PUDP: variants seen among roughly 807,000 people sequenced by gnomAD.
PUDP encodes pseudouridine 5'-phosphatase.
A neutral mutation model predicts 9.4 loss-of-function variants in PUDP; 8 were observed. The observed-to-expected ratio is 0.85, with a 90% CI of 0.50 to 1.53. The LOEUF (loss-of-function observed/expected upper bound fraction) is 1.53. Ranked by LOEUF, PUDP falls within the 40% of genes most tolerant of loss-of-function variation. PUDP has a pLI of 0.00. For synonymous variants in PUDP, 99 were observed against 80.7 expected, an observed-to-expected ratio of 1.23 and a Z score of -1.22; for missense variants, 188 against 189.7, an observed-to-expected ratio of 0.99 and a Z score of 0.05.
At chrX:6,981,318 T>C (rs1477811034) in intron 1 of PUDP, among the ~76,000 whole-genome samples, 2 of 111,763 alleles carry the variant, frequency 1.8e-5, no homozygotes, top group African/African-American at 6.5e-5. Flanking sequence ...CATGTTTCTG[T>C]TTTTTGATTT....
intron 1 of PUDP, among the ~76,000 whole-genome samples, chrX:6,714,860 G>T (rs1924579502): frequency 9.0e-6 from 1 of 110,889 alleles, no homozygotes; most frequent in African/African-American, 3.3e-5. Context: ...ACACATCATT[G>T]TCACCACTCA....
intron 2 of PUDP, 102 bp from the exon 3 acceptor site, chrX:7,077,551 G>A: frequency 1.6e-6 from 1 of 614,426 alleles, no homozygotes; most frequent in Non-Finnish European, 2.6e-6. Flanking sequence ...ACACTCTCAG[G>A]CTGCTCCTTT....
chrX:6,759,672 T>C (rs1043446889), intron 3 of PUDP, among the ~76,000 whole-genome samples: 5 of 111,683 alleles, frequency 4.5e-5, no homozygotes, highest in African/African-American at 1.3e-4. Context: ...GGCACTTTAG[T>C]GTGTAGGTAA....
intron 3 of PUDP, among the ~76,000 whole-genome samples, chrX:6,975,517 A>G (rs1928940179): frequency 9.0e-6 from 1 of 110,555 alleles, no homozygotes; most frequent in Non-Finnish European, 1.9e-5. Context: ...TCCAGACCCT[A>G]TTTGCCTGGG....
intron 1 of PUDP, among the ~76,000 whole-genome samples, chrX:6,986,203 A>G (rs756648445): frequency 6.9e-4 from 77 of 112,299 alleles, no homozygotes; most frequent in Non-Finnish European, 1.2e-3. Context: ...CCTGTCGATG[A>G]TCAGAGTAGC....
intron 1 of PUDP, among the ~76,000 whole-genome samples, chrX:6,721,220 C>T (rs953565982): frequency 8.9e-6 from 1 of 111,904 alleles, no homozygotes; most frequent in Non-Finnish European, 1.9e-5. Context: ...ACAAGTTAGG[C>T]TTGCAAAGTT....
intron 3 of PUDP, among the ~76,000 whole-genome samples, chrX:6,828,432 G>A (rs1455906361): frequency 9.0e-6 from 1 of 110,756 alleles, no homozygotes; most frequent in Non-Finnish European, 1.9e-5. Context: ...AAATTCAGAT[G>A]AAAGTACAGA....
rs375154462 is a variant in PUDP at position 6,818,425 on chromosome X, TTAAAG to T, written c.*248-111964_*248-111960del. ...CACCTGTCAGCCATAGCTTCCCAACTTAAAGTAAATGAATTTGTAAAGATGCATAT... is the reference window on the plus strand; with the variant it reads ...CACCTGTCAGCCATAGCTTCCCAACTTAAATGAATTTGTAAAGATGCATAT... On this transcript the variant is annotated intron_variant and NMD_transcript_variant, in intron 3 of 3. Transcript: ENST00000655425. 3.9e-3 allele frequency among the ~76,000 whole-genome samples: 434 copies of T among 112,515 alleles called. 2 individuals carry two copies. Among genetic ancestry groups the T allele is most frequent in the African/African-American group, 0.013 (407 of 31,030 alleles).
chrX:6,813,626 C>T (rs967985880), intron 3 of PUDP, among the ~76,000 whole-genome samples: 4 of 111,351 alleles, frequency 3.6e-5, no homozygotes, highest in African/African-American at 1.3e-4. Flanking sequence ...GACTAATGCC[C>T]GAATCTCCTG....
intron 3 of PUDP, among the ~76,000 whole-genome samples, chrX:6,772,629 G>GAAA (rs200479446): frequency 3.0e-5 from 3 of 100,133 alleles, no homozygotes; most frequent in African/African-American, 7.2e-5. Flanking sequence ...ATACAGACAA[G>GAAA]GAAAAAAAAA....
intron 3 of PUDP, among the ~76,000 whole-genome samples, chrX:6,886,084 C>A (rs1349315451): frequency 8.9e-6 from 1 of 112,218 alleles, no homozygotes; most frequent in Non-Finnish European, 1.9e-5. Flanking sequence ...CCATCTGCAT[C>A]TAACTGTAAA....
chrX:6,955,468 A>G (rs932204639), intron 3 of PUDP, among the ~76,000 whole-genome samples: 12 of 111,415 alleles, frequency 1.1e-4, no homozygotes, highest in African/African-American at 3.9e-4. Flanking sequence ...CCTTCTTAAC[A>G]TAACCAGATT....
At chrX:6,723,121 C>T (rs1459250891), upstream of PUDP, among the ~76,000 whole-genome samples, 2 of 110,244 alleles carry the variant, frequency 1.8e-5, no homozygotes, top group Non-Finnish European at 3.8e-5. Flanking sequence ...ATAAAAACCA[C>T]AATAACCTTA....
intron 1 of PUDP, among the ~76,000 whole-genome samples, chrX:6,996,114 G>T: frequency 9.0e-6 from 1 of 111,443 alleles, no homozygotes; most frequent in East Asian, 2.8e-4. Context: ...ACACTGTAAT[G>T]AACTTGGGAT....
At chrX:6,765,710 C>T (rs961091186) in intron 3 of PUDP, among the ~76,000 whole-genome samples, 1 of 111,419 alleles carries the variant, frequency 9.0e-6, no homozygotes, top group African/African-American at 3.3e-5. Flanking sequence ...TCCACCCAGC[C>T]CTAGCCTCCC....
chrX:6,911,922 C>A (rs1329798732), intron 3 of PUDP, among the ~76,000 whole-genome samples: 3 of 111,777 alleles, frequency 2.7e-5, no homozygotes, highest in African/African-American at 9.7e-5. Flanking sequence ...ACTATCTTAT[C>A]ATTCACATTT....
intron 1 of PUDP, among the ~76,000 whole-genome samples, chrX:7,028,547 A>G (rs974207437): frequency 1.6e-4 from 18 of 111,246 alleles, no homozygotes; most frequent in Admixed American, 2.9e-4. Context: ...AAACTGGGTC[A>G]GGCTTGGAAG....
At chrX:6,716,711 C>A (rs1027599522) in intron 1 of PUDP, among the ~76,000 whole-genome samples, 9 of 110,544 alleles carry the variant, frequency 8.1e-5, no homozygotes, top group Non-Finnish European at 1.5e-4. Context: ...CAGCTCACTG[C>A]AACCTCAAAC....
intron 3 of PUDP, among the ~76,000 whole-genome samples, chrX:7,060,431 C>T (rs1173520718): frequency 1.8e-5 from 2 of 112,006 alleles, no homozygotes; most frequent in African/African-American, 6.5e-5. Flanking sequence ...TTCTGTGACA[C>T]AGCAGTCCAG....
Sources: allele counts gnomAD v4.1 joint callset (sites outside exome capture counted in the v4.1 genomes callset), GRCh38; gene constraint gnomAD v4.1.1; transcripts MANE v1.5; gene names NCBI Gene and HGNC (gene_info 2026-07-23, HGNC 2026-07-21).